The following PHRF1 variants were observed in gnomAD, a reference collection of about 807,000 sequenced individuals.
The protein encoded by PHRF1 is PHD and RING finger domain-containing protein 1.
PHRF1 carries 53 observed loss-of-function variants against 128.9 expected under a neutral mutation model. The observed-to-expected ratio is 0.41, with a 90% CI of 0.33 to 0.52. The LOEUF is 0.52. PHRF1 is among the 20% of genes least tolerant of loss of function. PHRF1 has a pLI of 0.21. For missense variants in PHRF1, 2,503 were observed against 2,284.5 expected (o/e 1.10, Z -1.95); for synonymous variants, 1,178 against 980.6 (o/e 1.20, Z -3.76).
intron 5 of PHRF1, among the ~76,000 whole-genome samples, chr11:592,301 G>C (rs938878275): frequency 1.3e-5 from 2 of 151,964 alleles, no homozygotes; most frequent in African/African-American, 4.8e-5. Context: ...GCCCACTTTG[G>C]GGCCGCAGGG....
At position 608,088 on chromosome 11, in the gene PHRF1, T is replaced by C. The variant is rs934320495; in HGVS notation, c.2632T>C (p.Cys878Arg). 6.8e-6 allele frequency: 11 copies of C among 1,611,772 alleles called. No individual in the cohort carries two copies. Among genetic ancestry groups the C allele is most frequent in the Admixed American group, 5.0e-5 (3 of 60,034 alleles). ...PKAQTVQAVR[C>R]VTSYTVESIF... The stretch of plus-strand genomic sequence containing the variant: ...GGCCCAGACGGTGCAGGCTGTGCGC[T>C]GCGTCACCTCCTACACGGTGGAGAG... The change falls in exon 14 of 18, where the codon TGC (cysteine) becomes CGC (arginine). Residue 878 changes from cysteine to arginine, a missense_variant. Cys to Arg is a radical substitution (Grantham distance 180, BLOSUM62 -3). Transcript: ENST00000264555.
At chr11:600,446 G>A (rs1051514814) in intron 9 of PHRF1, among the ~76,000 whole-genome samples, 78 of 145,986 alleles carry the variant, frequency 5.3e-4, no homozygotes, top group Non-Finnish European at 9.5e-4. Flanking sequence ...TTGAGATGGC[G>A]CCACTGCAGT....
chr11:589,532 C>A (rs1854795915), intron 4 of PHRF1, among the ~76,000 whole-genome samples: 1 of 151,860 alleles, frequency 6.6e-6, no homozygotes, highest in South Asian at 2.1e-4. Context: ...GGAAACCAGT[C>A]CCAGGGGTTT....
chr11:591,615 C>A (rs1854977024), intron 5 of PHRF1, 148 bp downstream of exon 5: 2 of 701,550 alleles, frequency 2.9e-6, no homozygotes, highest in Non-Finnish European at 4.5e-6. Context: ...CCCTTGTGGC[C>A]ATGAGCCCTG....
chr11:591,525 A>G, intron 5 of PHRF1, 58 bp downstream of exon 5: 1 of 1,405,172 alleles, frequency 7.1e-7, no homozygotes, highest in Non-Finnish European at 9.7e-7. Flanking sequence ...GCCCTGTGGG[A>G]CAGAGCATGC....
chr11:576,973 G>A (rs1051719946), intron 1 of PHRF1, among the ~76,000 whole-genome samples: 7 of 152,072 alleles, frequency 4.6e-5, no homozygotes, highest in African/African-American at 1.7e-4. Flanking sequence ...CGCGGCGAGA[G>A]CCCACTCGCC....
rs1259558217 is a variant in PHRF1 at position 587,399 on chromosome 11, G to C, written c.355G>C (p.Ala119Pro). ...CTGTCTCAACGCATTCAGAGACCAG[G>C]CCGTGGGGACGCCGGAGAACTGTGC... Reference protein sequence around the residue: ...PICLNAFRDQAVGTPENCAHY... With the variant: ...PICLNAFRDQPVGTPENCAHY... Residue 119 changes from alanine to proline, a missense_variant, in exon 4 of 18, where the codon GCC becomes CCC. Ala to Pro is a conservative substitution (Grantham distance 27, BLOSUM62 -1). Coordinates refer to ENST00000264555, the MANE Select transcript of PHRF1 (RefSeq NM_001286581.2). 8 of 1,613,766 alleles carry C rather than the reference G, an allele frequency of 5.0e-6. No homozygotes were observed. In the South Asian group the frequency reaches 6.6e-5, roughly 13 times the overall value.
In PHRF1 at chr11:591,416, A is replaced by G. The variant is rs184353006; in HGVS notation, c.453A>G (p.Leu151=). The change falls in exon 5 of 18, where the codon CTA becomes CTG. Residue 151 remains leucine, a synonymous_variant. Transcript: ENST00000264555. ...NANSCPVDRT[L]FKCICIRAQF... is the part of the protein sequence containing the mutation. ...ATTCCTGTCCAGTTGATCGAACTCTATTTAAGTGCATTTGTATTCGAGCTC... is the reference window on the plus strand; with the variant it reads ...ATTCCTGTCCAGTTGATCGAACTCTGTTTAAGTGCATTTGTATTCGAGCTC... 231 of 1,610,266 alleles carry G rather than the reference A, an allele frequency of 1.4e-4. 1 individual carries two copies. The African/African-American group carries it at 2.3e-3, about 16-fold the overall frequency.
In PHRF1 at chr11:608,132, C is replaced by G. The variant is rs369581601; in HGVS notation, c.2676C>G (p.Pro892=). ...TGGAGAGCATCTTTGGTACAGAGCC[C>G]GAACCCCCTCTCGGACCGTCCTCCG... ...YTVESIFGTE[P]EPPLGPSSAM... Residue 892 remains proline, a synonymous_variant, in exon 14 of 18, where the codon CCC becomes CCG. Coordinates refer to ENST00000264555, the MANE Select transcript of PHRF1 (RefSeq NM_001286581.2). 3 of 1,611,496 alleles carry G rather than the reference C, an allele frequency of 1.9e-6. No individual in the cohort carries two copies. Among genetic ancestry groups the G allele is most frequent in the Middle Eastern group, 1.6e-4 (1 of 6,084 alleles).
intron 5 of PHRF1, among the ~76,000 whole-genome samples, chr11:592,010 G>A (rs1001487734): frequency 6.6e-6 from 1 of 151,730 alleles, no homozygotes; most frequent in African/African-American, 2.4e-5. Context: ...CTGCCTCCTG[G>A]GTTCACGCCA....
At chr11:594,342 C>T (rs1264984719) in intron 6 of PHRF1, among the ~76,000 whole-genome samples, 2 of 152,266 alleles carry the variant, frequency 1.3e-5, no homozygotes, top group South Asian at 2.1e-4. Context: ...GGCCGTGAGC[C>T]TTCTAGTGGC....
chr11:610,689 C>T lies in PHRF1; in HGVS notation c.4605C>T (p.Ala1535=), dbSNP rs552030570. ...LTPASEPASQ[A]TAASNSEEKT... ...CAGCCTCAGAGCCAGCCAGTCAAGC[C>T]ACTGCAGCCAGCAACTCGGAGGAGA... The change falls in exon 16 of 18, where the codon GCC becomes GCT. Residue 1535 remains alanine, a synonymous_variant. Coordinates refer to ENST00000264555, the MANE Select transcript of PHRF1 (RefSeq NM_001286581.2). The T allele has an allele frequency of 3.7e-6, 6 of 1,604,178 alleles. No homozygotes were observed. In the Admixed American group the frequency reaches 1.0e-4, roughly 27 times the overall value.
intron 10 of PHRF1, among the ~76,000 whole-genome samples, chr11:602,232 T>C (rs1855669153): frequency 6.6e-6 from 1 of 152,238 alleles, no homozygotes; most frequent in Non-Finnish European, 1.5e-5. Context: ...ACCAGACATT[T>C]AATATTCATT....
In PHRF1 at chr11:609,603, C is replaced by G. The variant is rs375620742; in HGVS notation, c.4147C>G (p.Arg1383Gly). Residue 1383 changes from arginine to glycine, a missense_variant, in exon 14 of 18, where the codon CGG (arginine) becomes GGG (glycine). Transcript: ENST00000264555. ...SASGRVQEAA[R>G]PEEVVSQTPL... The stretch of plus-strand genomic sequence containing the variant: ...GAGTGGGAGGGTACAGGAGGCAGCC[C>G]GGCCTGAGGAGGTGGTTTCGCAGAC... 1.9e-6 allele frequency: 3 copies of G among 1,591,850 alleles called. No individual in the cohort carries two copies. In the South Asian group the frequency reaches 3.4e-5, roughly 18 times the overall value.
rs751514799 is a variant in PHRF1 at position 608,838 on chromosome 11, A to T, written c.3382A>T (p.Ser1128Cys). Reference sequence around the variant, plus strand: ...GGGAAGGGAGTGCTCCCCCACCAGCAGCCTGGAGAGGCTCTGCAGGCACAA... The same window carrying T: ...GGGAAGGGAGTGCTCCCCCACCAGCTGCCTGGAGAGGCTCTGCAGGCACAA... ...PRGRECSPTS[S>C]LERLCRHKHQ... is the part of the protein sequence containing the mutation. Residue 1128 changes from serine to cysteine, a missense_variant, in exon 14 of 18, where the codon AGC becomes TGC. Physicochemically the swap from Ser to Cys is moderately radical, Grantham distance 112. Transcript: ENST00000264555. The T allele has an allele frequency of 1.2e-6, 2 of 1,612,302 alleles. No homozygotes were observed. Among genetic ancestry groups the T allele is most frequent in the South Asian group, 2.2e-5 (2 of 91,068 alleles).
chr11:582,502 G>A (rs749225361), intron 3 of PHRF1, among the ~76,000 whole-genome samples: 2 of 151,866 alleles, frequency 1.3e-5, no homozygotes, highest in Non-Finnish European at 2.9e-5. Flanking sequence ...CCTCAAGTGA[G>A]CCGCTGTGCC....
In PHRF1 at chr11:607,677, C is replaced by A; in HGVS notation, c.2221C>A (p.Pro741Thr). 6.2e-7 allele frequency: 1 copy of A among 1,610,264 alleles called. No homozygotes were observed. Among genetic ancestry groups the A allele is most frequent in the African/African-American group, 1.3e-5 (1 of 74,978 alleles). ...SEASSRVPRE[P>T]GVHTGSSRPP... ...GGCCAGCAGCAGGGTGCCCCGGGAG[C>A]CCGGGGTGCACACGGGCAGCTCCCG... Residue 741 changes from proline (P) to threonine (T), a missense_variant, in exon 14 of 18, where the codon CCC becomes ACC. Pro to Thr is a conservative substitution (Grantham distance 38). Transcript: ENST00000264555.
intron 11 of PHRF1, 71 bp from the exon 12 acceptor site, chr11:605,534 C>T (rs1018214484): frequency 1.3e-5 from 21 of 1,582,560 alleles, no homozygotes; most frequent in African/African-American, 5.4e-5. Flanking sequence ...TCCTCCGTGC[C>T]GTCTCCCTGG....
At chr11:588,625 C>G (rs1334755954) in intron 4 of PHRF1, among the ~76,000 whole-genome samples, 1 of 152,006 alleles carries the variant, frequency 6.6e-6, no homozygotes, top group Non-Finnish European at 1.5e-5. Flanking sequence ...GTGATCCACC[C>G]GTCTCGGCCT....
Sources: allele counts gnomAD v4.1 joint callset (sites outside exome capture counted in the v4.1 genomes callset), GRCh38; gene constraint gnomAD v4.1.1; transcripts MANE v1.5; gene names NCBI Gene and HGNC (gene_info 2026-07-23, HGNC 2026-07-21).